The following NAALADL2 variants were observed in gnomAD, a reference collection of about 807,000 sequenced individuals.
NAALADL2 encodes inactive N-acetylated-alpha-linked acidic dipeptidase-like protein 2.
In NAALADL2, 76 loss-of-function variants were observed where a neutral mutation model predicts 87.2. That is an observed-to-expected ratio of 0.87 (90% CI 0.72 to 1.05). NAALADL2 has a LOEUF of 1.05. Among genes scored for constraint, NAALADL2 ranks in the 50% least tolerant of loss-of-function variants. The pLI is 0.00. For missense variants in NAALADL2, 1,089 were observed against 945.8 expected (o/e 1.15, Z -1.99); for synonymous variants, 354 against 331.0 (o/e 1.07, Z -0.75).
Position 175,423,028 on chromosome 3 carries a change from A to AAATATAT in NAALADL2, c.1091-24200_1091-24199insATATATA, listed in dbSNP as rs1438736874. 4.7e-3 allele frequency among the ~76,000 whole-genome samples: 518 copies of AAATATAT among 111,202 alleles called. 12 individuals carry two copies. Among genetic ancestry groups the AAATATAT allele is most frequent in the African/African-American group, 0.02 (481 of 24,356 alleles). 73.0% of individuals were successfully genotyped at this position (111,202 alleles called of 152,430 possible). Reference sequence around the variant, plus strand: ...CTCCCAGGTCCTTAAGAAAAAAAAAAATATATATATATATATATATATATT... The same window carrying AAATATAT: ...CTCCCAGGTCCTTAAGAAAAAAAAAAAATATATATATATATATATATATATATATATT... On this transcript the variant is annotated intron_variant, in intron 5 of 13. Coordinates refer to ENST00000454872, the MANE Select transcript of NAALADL2 (RefSeq NM_207015.3).
chr3:175,089,984 G>T (rs1447185659), intron 1 of NAALADL2, among the ~76,000 whole-genome samples: 8 of 152,014 alleles, frequency 5.3e-5, no homozygotes, highest in African/African-American at 1.7e-4. Flanking sequence ...TTGTAGGTTT[G>T]TGACTGTATT....
chr3:175,701,131 T>C (rs1738934051), intron 11 of NAALADL2, among the ~76,000 whole-genome samples: 2 of 151,966 alleles, frequency 1.3e-5, no homozygotes, highest in East Asian at 3.9e-4. Flanking sequence ...GTGCATTAGG[T>C]TTACAGTGCA....
intron 10 of NAALADL2, among the ~76,000 whole-genome samples, chr3:175,592,958 T>C (rs993940425): frequency 1.3e-5 from 2 of 152,116 alleles, no homozygotes; most frequent in African/African-American, 4.8e-5. Context: ...ATTTCCTTCA[T>C]TTAACACCTT....
intron 3 of NAALADL2, among the ~76,000 whole-genome samples, chr3:175,248,211 G>A (rs560062099): frequency 3.2e-4 from 48 of 152,272 alleles, no homozygotes; most frequent in African/African-American, 1.1e-3. Flanking sequence ...CTCTGTGACT[G>A]TGAAAATGTT....
intron 5 of NAALADL2, among the ~76,000 whole-genome samples, chr3:175,395,394 CT>C (rs781688763): frequency 1.3e-5 from 2 of 152,162 alleles, no homozygotes; most frequent in African/African-American, 4.8e-5. Context: ...TGTTATTCAT[CT>C]TTTCTATCAT....
At chr3:174,521,571 C>CAAAAAAAAAAAAAAA (rs58465181) in intron 1 of NAALADL2, among the ~76,000 whole-genome samples, 3 of 56,190 alleles carry the variant, frequency 5.3e-5, no homozygotes, top group African/African-American at 1.4e-4. Flanking sequence ...GACCCTGTCT[C>CAAAAAAAAAAAAAAA]AAAAAAAAAA....
chr3:175,117,651 C>T (rs1469606845), intron 2 of NAALADL2, among the ~76,000 whole-genome samples: 1 of 150,664 alleles, frequency 6.6e-6, no homozygotes, highest in Non-Finnish European at 1.5e-5. Context: ...AATAGGAACA[C>T]TTTTACACTG....
intron 2 of NAALADL2, among the ~76,000 whole-genome samples, chr3:174,604,338 G>A (rs145084232): frequency 1.4e-3 from 220 of 152,124 alleles, no homozygotes; most frequent in Admixed American, 4.1e-3. Context: ...GTCTCTTTTA[G>A]TCTTTGTCTT....
chr3:175,561,066 G>C (rs1295830369), intron 9 of NAALADL2, among the ~76,000 whole-genome samples: 2 of 152,216 alleles, frequency 1.3e-5, no homozygotes, highest in South Asian at 4.1e-4. Context: ...ACTGTCTAAG[G>C]CCTGCTATTG....
chr3:174,901,757 A>G (rs751202113), intron 1 of NAALADL2, among the ~76,000 whole-genome samples: 1 of 152,144 alleles, frequency 6.6e-6, no homozygotes, highest in African/African-American at 2.4e-5. Flanking sequence ...GTGTACTTAG[A>G]TCTGTAACTA....
chr3:174,797,278 ATCTTTTTTCTTTTGTTTTTCTTTTT>A, intron 3 of NAALADL2, among the ~76,000 whole-genome samples: 1 of 118,076 alleles, frequency 8.5e-6, no homozygotes, highest in South Asian at 3.0e-4. Context: ...TATTTCTGGG[ATCTTTTTTCTTTTGTTTTTCTTTTT>A]TCTTTTTTTT....
At chr3:175,733,067 A>C in intron 11 of NAALADL2, among the ~76,000 whole-genome samples, 1 of 152,098 alleles carries the variant, frequency 6.6e-6, no homozygotes, top group South Asian at 2.1e-4. Flanking sequence ...ACTTAAAAAT[A>C]AAAAAGGGGT....
At chr3:174,753,690 G>T (rs1711571488) in intron 3 of NAALADL2, among the ~76,000 whole-genome samples, 1 of 152,100 alleles carries the variant, frequency 6.6e-6, no homozygotes, top group Non-Finnish European at 1.5e-5. Context: ...AGCTTAGTAC[G>T]CCTCCTCTCT....
At chr3:174,843,769 C>T (rs1724281572) in intron 3 of NAALADL2, among the ~76,000 whole-genome samples, 1 of 151,970 alleles carries the variant, frequency 6.6e-6, no homozygotes, top group Non-Finnish European at 1.5e-5. Flanking sequence ...TAGCATTTCC[C>T]TGATGAATAG....
intron 2 of NAALADL2, among the ~76,000 whole-genome samples, chr3:175,217,679 T>C (rs970670441): frequency 6.6e-6 from 1 of 152,228 alleles, no homozygotes; most frequent in Non-Finnish European, 1.5e-5. Context: ...ATAAGAAATA[T>C]CAAAGCTCTA....
intron 13 of NAALADL2, among the ~76,000 whole-genome samples, chr3:175,775,995 C>A (rs1449334841): frequency 6.6e-6 from 1 of 152,120 alleles, no homozygotes; most frequent in East Asian, 1.9e-4. Flanking sequence ...CCTTTTCTCC[C>A]TCACTTCCGT....
intron 2 of NAALADL2, among the ~76,000 whole-genome samples, chr3:174,552,207 A>G (rs576889904): frequency 6.6e-6 from 1 of 152,264 alleles, no homozygotes; most frequent in South Asian, 2.1e-4. Context: ...TAACGTATAT[A>G]ATCTTTCCGA....
intron 2 of NAALADL2, among the ~76,000 whole-genome samples, chr3:174,649,594 C>A (rs1156999460): frequency 6.6e-6 from 1 of 151,748 alleles, no homozygotes; most frequent in Non-Finnish European, 1.5e-5. Context: ...GTCTCTGGAC[C>A]CTCTGACAAG....
intron 11 of NAALADL2, among the ~76,000 whole-genome samples, chr3:175,650,474 G>T (rs1020988485): frequency 4.6e-5 from 7 of 152,104 alleles, no homozygotes; most frequent in African/African-American, 1.4e-4. Context: ...TACATGCAAT[G>T]GATGAATTTT....
Sources: allele counts gnomAD v4.1 joint callset (sites outside exome capture counted in the v4.1 genomes callset), GRCh38; gene constraint gnomAD v4.1.1; transcripts MANE v1.5; gene names NCBI Gene and HGNC (gene_info 2026-07-23, HGNC 2026-07-21).